The following MYH10 variants were observed in gnomAD, a reference collection of about 807,000 sequenced individuals.
MYH10 encodes the protein myosin-10.
A neutral mutation model predicts 257.8 loss-of-function variants in MYH10; 55 were observed. The ratio of observed to expected loss-of-function variants is 0.21; its 90% confidence interval spans 0.17 to 0.27. The LOEUF (loss-of-function observed/expected upper bound fraction) is 0.27, where lower values mean the gene tolerates loss of function less well. MYH10 is among the 10% of genes least tolerant of loss of function. The pLI is 1.00. For synonymous variants in MYH10, 854 were observed against 921.7 expected, an observed-to-expected ratio of 0.93 and a Z score of 1.33; for missense variants, 1,631 against 2,500.6, an observed-to-expected ratio of 0.65 and a Z score of 7.42.
rs1337870870 is a variant in MYH10, at chr17:8,604,827, T to C, written c.501A>G (p.Gln167=). ...TAGTATTCAAATATTTCCAATTACCTTGAAGCATGCATCTGTAAGCAGATT... is the reference window on the plus strand; with the variant it reads ...TAGTATTCAAATATTTCCAATTACCCTGAAGCATGCATCTGTAAGCAGATT... ...ISESAYRCML[Q]DREDQSILCT... The change falls in exon 3 of 43, where the codon CAA becomes CAG. Residue 167 remains glutamine (Q), a splice_region_variant and synonymous_variant. Transcript: ENST00000360416. 5 of 1,523,822 alleles carry C rather than the reference T, an allele frequency of 3.3e-6. No homozygotes were observed. The highest frequency in any genetic ancestry group is 2.4e-5 in the East Asian group (1 of 42,544). 94.4% of individuals were successfully genotyped at this position (1,523,822 alleles called of 1,614,324 possible). A position where few individuals can be genotyped will look rare whatever the true frequency, so the allele number is the denominator to read the frequency against.
At chr17:8,499,661 G>A (rs1336184363) in intron 29 of MYH10, among the ~76,000 whole-genome samples, 185 bp from the exon 30 acceptor site, 2 of 152,132 alleles carry the variant, frequency 1.3e-5, no homozygotes, top group African/African-American at 2.4e-5. Flanking sequence ...AGGAACACAC[G>A]CGTACACACT....
At chr17:8,539,059 C>T (rs1390758122) in intron 14 of MYH10, among the ~76,000 whole-genome samples, 1 of 152,000 alleles carries the variant, frequency 6.6e-6, no homozygotes, top group Non-Finnish European at 1.5e-5. Flanking sequence ...TCTTATGAGC[C>T]CCCCCAACAT....
At chr17:8,626,581 T>A (rs76890225) in intron 1 of MYH10, among the ~76,000 whole-genome samples, 1,004 of 72,142 alleles carry the variant, frequency 0.014, 9 homozygotes, top group African/African-American at 0.031. Flanking sequence ...TAATAATAAA[T>A]AATAATAATA....
chr17:8,612,803 T>C (rs1014910866), intron 2 of MYH10, among the ~76,000 whole-genome samples: 4 of 152,022 alleles, frequency 2.6e-5, no homozygotes, highest in African/African-American at 9.6e-5. Flanking sequence ...TGAGCCGAGA[T>C]TGCACCGTTG....
intron 17 of MYH10, among the ~76,000 whole-genome samples, chr17:8,522,839 AC>A (rs1278765165): frequency 2.0e-5 from 3 of 151,890 alleles, no homozygotes; most frequent in Non-Finnish European, 4.4e-5. Context: ...AATAGACACC[AC>A]CCAGTGCTTG....
chr17:8,476,373 G>A (rs1354583024), intron 42 of MYH10, among the ~76,000 whole-genome samples: 1 of 152,222 alleles, frequency 6.6e-6, no homozygotes, highest in African/African-American at 2.4e-5. Flanking sequence ...TATAAAAGCA[G>A]GGTATGCACC....
At position 8,513,673 on chromosome 17, in the gene MYH10, T is replaced by C. The variant is rs919837688; in HGVS notation, c.2614-4A>G. ...TCACTTGTAGAAGCGGCTTCACCTA[T>C]GACAAAATTAAGCAGTTTTTTTTTT... On this transcript the variant is annotated splice_polypyrimidine_tract_variant and splice_region_variant and intron_variant, in intron 22 of 42. Transcript: ENST00000360416. 3.1e-6 allele frequency: 5 copies of C among 1,603,362 alleles called. No homozygotes were observed. Among genetic ancestry groups the C allele is most frequent in the Middle Eastern group, 1.7e-4 (1 of 6,056 alleles).
At chr17:8,613,827 T>G (rs1009859266) in intron 2 of MYH10, among the ~76,000 whole-genome samples, 1 of 152,144 alleles carries the variant, frequency 6.6e-6, no homozygotes, top group Admixed American at 6.5e-5. Flanking sequence ...GAGACATATT[T>G]TAAAGGCACA....
chr17:8,537,536 C>T lies in MYH10; in HGVS notation c.1606-1605G>A, dbSNP rs116559841. On this transcript the variant is annotated intron_variant, in intron 14 of 42. Transcript: ENST00000360416. ...GATCAGCTAAAAAGAAGACAGTAAT[C>T]TGAAGCAACTGGGATTAGGTCACTT... 6.2e-3 allele frequency among the ~76,000 whole-genome samples: 946 copies of T among 152,274 alleles called. 12 individuals are homozygous for T. The highest frequency in any genetic ancestry group is 0.022 in the African/African-American group (913 of 41,554).
intron 14 of MYH10, 98 bp downstream of exon 14, chr17:8,542,009 C>T: frequency 2.5e-6 from 3 of 1,202,892 alleles, no homozygotes; most frequent in Non-Finnish European, 3.4e-6. Flanking sequence ...AATTATTTCA[C>T]CACTGAACAG....
chr17:8,628,742 C>T (rs769974248), intron 1 of MYH10, among the ~76,000 whole-genome samples: 42 of 152,278 alleles, frequency 2.8e-4, no homozygotes, highest in Non-Finnish European at 5.0e-4. Context: ...AAACTAGGAT[C>T]CAACACCAGG....
chr17:8,479,313 G>A (rs539331413), intron 40 of MYH10, among the ~76,000 whole-genome samples: 4 of 152,096 alleles, frequency 2.6e-5, no homozygotes, highest in Non-Finnish European at 5.9e-5. Flanking sequence ...ATGCATCTAC[G>A]TCGTCCCATA....
At position 8,535,724 on chromosome 17, in the gene MYH10, TTTTAATCCAG is replaced by T; in HGVS notation, c.1779+24_1779+33del. 6.3e-7 allele frequency: 1 copy of T among 1,590,724 alleles called. No individual in the cohort carries two copies. The highest frequency in any genetic ancestry group is 1.7e-4 in the Middle Eastern group (1 of 5,960). ...TGTAGCAAAATTTCAAACACAGCCA[TTTTAATCCAG>T]TTATTCAACATAAGAGCTCTTACCT... is the stretch of plus-strand genomic sequence containing the variant. On this transcript the variant is annotated intron_variant, in intron 15 of 42. Coordinates refer to ENST00000360416, the MANE Select transcript of MYH10 (RefSeq NM_001256012.3). The surrounding 1 kb of genome is among the most constrained non-coding windows in gnomAD (Gnocchi z 4.3).
At chr17:8,500,464 C>T (rs1232998119) in intron 29 of MYH10, among the ~76,000 whole-genome samples, 3 of 152,156 alleles carry the variant, frequency 2.0e-5, no homozygotes, top group African/African-American at 4.8e-5. Flanking sequence ...AGGGGAACAT[C>T]GGCAGGACGT....
chr17:8,584,188 G>A (rs1267343458), intron 4 of MYH10, among the ~76,000 whole-genome samples: 1 of 152,180 alleles, frequency 6.6e-6, no homozygotes, highest in Non-Finnish European at 1.5e-5. Context: ...GCAAGTGGGA[G>A]CTCACAAGGC....
intron 3 of MYH10, among the ~76,000 whole-genome samples, chr17:8,592,088 C>CTA (rs2084168723): frequency 6.6e-6 from 1 of 152,212 alleles, no homozygotes; most frequent in Non-Finnish European, 1.5e-5. Context: ...AAAAATGCAA[C>CTA]TAGCCTTCTA....
chr17:8,591,020 C>T (rs950524058), intron 3 of MYH10, among the ~76,000 whole-genome samples: 17 of 145,238 alleles, frequency 1.2e-4, no homozygotes, highest in African/African-American at 4.0e-4. Flanking sequence ...CTACAGGCGC[C>T]CGCCACCACG....
intron 30 of MYH10, among the ~76,000 whole-genome samples, chr17:8,496,509 A>C (rs1916655683): frequency 6.6e-6 from 1 of 152,118 alleles, no homozygotes; most frequent in Admixed American, 6.5e-5. Context: ...CACCTACCAG[A>C]GGGGTTGACT....
At position 8,477,972 on chromosome 17, in the gene MYH10, C is replaced by A. The variant is rs1025476284; in HGVS notation, c.5706+366G>T. Among the ~76,000 whole-genome samples, 1 of 152,136 alleles carries A rather than the reference C, an allele frequency of 6.6e-6. No individual in the cohort carries two copies. The highest frequency in any genetic ancestry group is 1.5e-5 in the Non-Finnish European group (1 of 68,014). On this transcript the variant is annotated intron_variant, in intron 41 of 42. Transcript: ENST00000360416. This position sits in a 1 kb window ranked among gnomAD's most constrained non-coding sequence, Gnocchi z 4.2. ...ACTTTCTATTCAGTATCTCCTGTGC[C>A]CACCCTACACCCAGCCAGTATCTCA...
Sources: allele counts gnomAD v4.1 joint callset (sites outside exome capture counted in the v4.1 genomes callset), GRCh38; gene constraint gnomAD v4.1.1; non-coding constraint Gnocchi (gnomAD v3.1); transcripts MANE v1.5; gene names NCBI Gene and HGNC (gene_info 2026-07-23, HGNC 2026-07-21).